Variants in FOXO3B observed in about 807,000 individuals in gnomAD.
FOXO3B encodes the protein forkhead box O3B.
FOXO3B carries 15 observed loss-of-function variants against 21.9 expected under a neutral mutation model. That is an observed-to-expected ratio of 0.68 (90% CI 0.46 to 1.05). The LOEUF (loss-of-function observed/expected upper bound fraction) is 1.05, where lower values mean the gene tolerates loss of function less well. Ranked by LOEUF, FOXO3B falls within the 50% of genes least tolerant of loss-of-function variation. The probability of loss-of-function intolerance (pLI) is 0.00; values close to 1 mark genes in which losing one functional copy is unlikely to be tolerated. For synonymous variants in FOXO3B, 135 were observed against 213.6 expected (o/e 0.63, Z 3.21); for missense variants, 293 against 435.5 (o/e 0.67, Z 2.91).
intron 2 of FOXO3B, 125 bp from the exon 3 acceptor site, chr17:18,680,954 A>G (rs2032574422): frequency 3.9e-6 from 3 of 769,928 alleles, no homozygotes; most frequent in Non-Finnish European, 6.4e-6. Context: ...GGTACCCCCA[A>G]AACAACCGAC....
chr17:18,676,646 G>C (rs544712033), intron 3 of FOXO3B, among the ~76,000 whole-genome samples: 1 of 151,714 alleles, frequency 6.6e-6, no homozygotes, highest in Admixed American at 6.6e-5. Flanking sequence ...CCAATTTCAA[G>C]ATATAATGGT....
intron 3 of FOXO3B, chr17:18,677,668 G>A (rs2032516480): frequency 3.7e-6 from 6 of 1,606,968 alleles, no homozygotes; most frequent in South Asian, 1.1e-5. Flanking sequence ...GGGGCTGAGG[G>A]TCCCATGGCC....
chr17:18,678,649 A>C (rs917417161), intron 3 of FOXO3B, among the ~76,000 whole-genome samples: 1 of 151,848 alleles, frequency 6.6e-6, no homozygotes, highest in Non-Finnish European at 1.5e-5. Flanking sequence ...AGTTTTAAAA[A>C]TTTTCCATAA....
At chr17:18,675,323 A>C (rs982640554) in intron 3 of FOXO3B, among the ~76,000 whole-genome samples, 12 of 152,178 alleles carry the variant, frequency 7.9e-5, no homozygotes, top group African/African-American at 2.7e-4. Context: ...CAAAACTGAA[A>C]GTCAAAAACT....
At chr17:18,676,894 G>A (rs1192655446) in intron 3 of FOXO3B, among the ~76,000 whole-genome samples, 3 of 152,086 alleles carry the variant, frequency 2.0e-5, no homozygotes, top group Non-Finnish European at 4.4e-5. Flanking sequence ...GTAGAGACGG[G>A]GTTTCACCAT....
Position 18,674,469 on chromosome 17 carries a change from CA to C in FOXO3B, c.127-1415del, listed in dbSNP as rs1371509249. Among the ~76,000 whole-genome samples, 26 of 149,088 alleles carry C rather than the reference CA, an allele frequency of 1.7e-4. No homozygotes were observed. The East Asian group carries it at 2.8e-3, about 16-fold the overall frequency. ...TGAAACCCCATCTCTACTAAAAATA[CA>C]AAAAAATTAGCCGGGTGTGGTGGCG... On this transcript the variant is annotated intron_variant, in intron 3 of 3. Transcript: ENST00000395675.
At position 18,670,092 on chromosome 17, in the gene FOXO3B, G is replaced by T. The variant is rs1321194591; in HGVS notation, c.*2217C>A. Among the ~76,000 whole-genome samples the T allele has an allele frequency of 6.6e-6, 1 of 152,066 alleles. No individual in the cohort carries two copies. Among genetic ancestry groups the T allele is most frequent in the East Asian group, 1.9e-4 (1 of 5,194 alleles). On this transcript the variant is annotated 3_prime_UTR_variant, in exon 4 of 4. Coordinates refer to ENST00000395675, the MANE Select transcript of FOXO3B (RefSeq NM_001368135.1). ...ACATTAGCTGAGGACACTGACAGGAGATCACAGGCCCTACTGATCTGGCAC... is the reference window on the plus strand; with the variant it reads ...ACATTAGCTGAGGACACTGACAGGATATCACAGGCCCTACTGATCTGGCAC...
intron 3 of FOXO3B, among the ~76,000 whole-genome samples, chr17:18,680,131 G>C (rs573677815): frequency 6.6e-5 from 10 of 152,308 alleles, no homozygotes; most frequent in Admixed American, 3.3e-4. Flanking sequence ...GAGCCACCAC[G>C]CCCAGCCAAA....
In FOXO3B at chr17:18,680,809, G is replaced by A; in HGVS notation, c.58C>T (p.Pro20Ser). 7 of 1,610,062 alleles carry A rather than the reference G, an allele frequency of 4.3e-6. No individual in the cohort carries two copies. Among genetic ancestry groups the A allele is most frequent in the Non-Finnish European group, 5.9e-6 (7 of 1,177,632 alleles). The change falls in exon 3 of 4, where the codon CCC becomes TCC. Residue 20 changes from proline to serine, a missense_variant. Physicochemically the swap from Pro to Ser is moderately conservative, Grantham distance 74. This residue lies in a region of FOXO3B where 251 missense variants were observed against 404.0 expected (regional missense o/e 0.62). Transcript: ENST00000395675. ...EKGVLSSQDS[P>S]HFQEKSTEEG... ...TCTGTGCTCTTCTCTTGGAAATGGGGAGAATCCTGGGAAGACAGAACTAAC... is the reference window on the plus strand; with the variant it reads ...TCTGTGCTCTTCTCTTGGAAATGGGAAGAATCCTGGGAAGACAGAACTAAC...
chr17:18,679,887 C>G (rs4924905), intron 3 of FOXO3B, among the ~76,000 whole-genome samples: 1 of 151,530 alleles, frequency 6.6e-6, no homozygotes, highest in Non-Finnish European at 1.5e-5. Flanking sequence ...TTGCCCAGGC[C>G]GGAATGCAGT....
rs3813033 is a variant in FOXO3B, at chr17:18,667,820, C to T, written c.*4489G>A. On this transcript the variant is annotated 3_prime_UTR_variant, in exon 4 of 4. Coordinates refer to ENST00000395675, the MANE Select transcript of FOXO3B (RefSeq NM_001368135.1). Reference sequence around the variant, plus strand: ...CATTAGGTACTCTTCTAATTTCTCACCAAAAAGTAGGCGGCTCCCTAGAGC... The same window carrying T: ...CATTAGGTACTCTTCTAATTTCTCATCAAAAAGTAGGCGGCTCCCTAGAGC... 0.43 allele frequency: 64,568 copies of T among 150,134 alleles called. 14,262 individuals carry two copies. The highest frequency in any genetic ancestry group is 0.53 in the African/African-American group (21,108 of 40,032). 9.3% of individuals were successfully genotyped at this position (150,134 alleles called of 1,614,324 possible). A position where few individuals can be genotyped will look rare whatever the true frequency, so the allele number is the denominator to read the frequency against.
chr17:18,672,974 G>A lies in FOXO3B; in HGVS notation c.208C>T (p.Arg70Ter). 6.7e-7 allele frequency: 1 copy of A among 1,487,906 alleles called. No homozygotes were observed. Among genetic ancestry groups the A allele is most frequent in the Non-Finnish European group, 8.9e-7 (1 of 1,124,446 alleles). The allele number at this position is 1,487,906 out of a possible 1,614,324, so 92.2% of individuals were successfully genotyped here. The change falls in exon 4 of 4, where the codon CGA becomes TGA. Residue 70 changes from arginine (R) to a stop codon, truncating the protein, a stop_gained. Coordinates refer to ENST00000395675, the MANE Select transcript of FOXO3B (RefSeq NM_001368135.1). LOFTEE classifies it high-confidence loss of function. The surrounding 1 kb of genome is among the most constrained non-coding windows in gnomAD (Gnocchi z 4.2). ...GCTGGGGTTCTCGCGCTCTCCTCTC[G>A]CGCCGGGGCGGGGTGCAGCGGGGGA... ...VPPPLHPAPA[R>*]EESARTPAAA...
In FOXO3B at chr17:18,671,598, A is replaced by G. The variant is rs938360289; in HGVS notation, c.*711T>C. 6.2e-7 allele frequency: 1 copy of G among 1,613,608 alleles called. No homozygotes were observed. Among genetic ancestry groups the G allele is most frequent in the Non-Finnish European group, 8.5e-7 (1 of 1,179,892 alleles). On this transcript the variant is annotated 3_prime_UTR_variant, in exon 4 of 4. Transcript: ENST00000395675. Reference sequence around the variant, plus strand: ...GATGGTCTGCATGGGAGACTGGCGTAGGGAGTTCAGAGATGAAGGTCCAAA... The same window carrying G: ...GATGGTCTGCATGGGAGACTGGCGTGGGGAGTTCAGAGATGAAGGTCCAAA...
At position 18,672,149 on chromosome 17, in the gene FOXO3B, A is replaced by G. The variant is rs925690498; in HGVS notation, c.*160T>C. ...GCTGTGCGGCCACGGCTCTTGGTAT[A>G]CTTGTTGCTATTGTCCATGGAGACA... On this transcript the variant is annotated 3_prime_UTR_variant, in exon 4 of 4. Transcript: ENST00000395675. The surrounding 1 kb of genome is among the most constrained non-coding windows in gnomAD (Gnocchi z 4.2). 39 of 1,612,400 alleles carry G rather than the reference A, an allele frequency of 2.4e-5. No individual in the cohort carries two copies. Among genetic ancestry groups the G allele is most frequent in the Non-Finnish European group, 3.2e-5 (38 of 1,179,250 alleles).
intron 3 of FOXO3B, among the ~76,000 whole-genome samples, chr17:18,673,724 G>C (rs1183674458): frequency 6.6e-6 from 1 of 151,850 alleles, no homozygotes; most frequent in Non-Finnish European, 1.5e-5. Context: ...GTTCCAAGCA[G>C]AGTGATGACA....
At chr17:18,679,692 C>A (rs576019530) in intron 3 of FOXO3B, among the ~76,000 whole-genome samples, 50 of 152,038 alleles carry the variant, frequency 3.3e-4, no homozygotes, top group Non-Finnish European at 6.8e-4. Context: ...AGGTGATCTG[C>A]CCGCCTTAGC....
At chr17:18,673,918 G>A (rs1278262293) in intron 3 of FOXO3B, among the ~76,000 whole-genome samples, 1 of 137,836 alleles carries the variant, frequency 7.3e-6, no homozygotes, top group African/African-American at 3.6e-5. Flanking sequence ...GGATAAAGGA[G>A]AGAGGGGGTG....
Position 18,682,312 on chromosome 17 carries a change from T to G in FOXO3B, c.-304A>C, listed in dbSNP as rs1440868986. 40 of 523,940 alleles carry G rather than the reference T, an allele frequency of 7.6e-5. 5 individuals carry two copies. Among genetic ancestry groups the G allele is most frequent in the Non-Finnish European group, 1.2e-4 (34 of 279,218 alleles). 32.5% of individuals were successfully genotyped at this position (523,940 alleles called of 1,614,324 possible). On this transcript the variant is annotated 5_prime_UTR_variant, in exon 1 of 4. Coordinates refer to ENST00000395675, the MANE Select transcript of FOXO3B (RefSeq NM_001368135.1). The stretch of plus-strand genomic sequence containing the variant: ...GTGCTGCTCTCATTCCGCCCGGAAC[T>G]ACAATTCCCAGAAGCGCCTTGGCAT...
chr17:18,675,519 G>C (rs113240551), intron 3 of FOXO3B, among the ~76,000 whole-genome samples: 13,495 of 151,426 alleles, frequency 0.089, 793 homozygotes, highest in African/African-American at 0.16. Context: ...CTTTTAAACT[G>C]TTTCAATATT....
Sources: gnomAD v4.1 joint callset for allele counts (sites outside exome capture counted in the v4.1 genomes callset) on GRCh38, gnomAD v4.1.1 for gene constraint, gnomAD v4.1.1 regional missense constraint, Gnocchi (gnomAD v3.1) non-coding constraint, MANE v1.5 for transcripts, NCBI Gene and HGNC (gene_info 2026-07-23, HGNC 2026-07-21) for gene names.